Variants in MBNL1 observed in about 807,000 individuals in gnomAD.
MBNL1 encodes muscleblind like splicing regulator 1.
MBNL1 carries 8 observed loss-of-function variants against 42.2 expected under a neutral mutation model. That is an observed-to-expected ratio of 0.19 (90% confidence interval 0.11 to 0.34). MBNL1 has a LOEUF of 0.34. MBNL1 is among the 10% of genes least tolerant of loss of function. MBNL1 has a pLI of 1.00. For synonymous variants in MBNL1, 169 were observed against 173.9 expected (o/e 0.97, Z 0.22); for missense variants, 309 against 495.3 (o/e 0.62, Z 3.57).
chr3:152,436,484 T>A lies in MBNL1; in HGVS notation c.549+3564T>A, dbSNP rs529244653. Reference sequence around the variant, plus strand: ...GAGGAAACTTAAAAATTTTTAAATATCTGAAATTATTGGATCCTCAGCATG... The same window carrying A: ...GAGGAAACTTAAAAATTTTTAAATAACTGAAATTATTGGATCCTCAGCATG... On this transcript the variant is annotated intron_variant, in intron 4 of 9. Coordinates refer to ENST00000324210, the MANE Select transcript of MBNL1 (RefSeq NM_021038.5). Among the ~76,000 whole-genome samples the A allele has an allele frequency of 1.2e-4, 19 of 152,344 alleles. 1 individual carries two copies. Among genetic ancestry groups the A allele is most frequent in the South Asian group, 1.0e-3 (5 of 4,830 alleles).
chr3:152,439,986 A>G (rs1225312269), intron 4 of MBNL1, among the ~76,000 whole-genome samples: 1 of 152,248 alleles, frequency 6.6e-6, no homozygotes, highest in Non-Finnish European at 1.5e-5. Flanking sequence ...GAATGAATAA[A>G]TGACAACGTG....
chr3:152,323,415 C>T (rs969332582), intron 2 of MBNL1, among the ~76,000 whole-genome samples: 23 of 151,944 alleles, frequency 1.5e-4, no homozygotes, highest in African/African-American at 5.6e-4. Flanking sequence ...TATCTGTAGT[C>T]ACTAACTGTA....
chr3:152,396,846 A>G (rs1389451919), intron 2 of MBNL1, among the ~76,000 whole-genome samples: 7 of 152,184 alleles, frequency 4.6e-5, no homozygotes, highest in Admixed American at 4.6e-4. Flanking sequence ...CTCGAACAGT[A>G]TTTAGTATAA....
At chr3:152,250,726 T>G (rs887186661) in intron 2 of MBNL1, among the ~76,000 whole-genome samples, 21 of 151,330 alleles carry the variant, frequency 1.4e-4, no homozygotes, top group African/African-American at 5.1e-4. Context: ...TTCCAGTTTT[T>G]GCCCATTCAG....
At chr3:152,328,063 A>C (rs548272902) in intron 2 of MBNL1, among the ~76,000 whole-genome samples, 1 of 152,306 alleles carries the variant, frequency 6.6e-6, no homozygotes, top group African/African-American at 2.4e-5. Flanking sequence ...TTTTAATGTA[A>C]GCCAACATTT....
intron 2 of MBNL1, among the ~76,000 whole-genome samples, chr3:152,379,293 A>G (rs796880698): frequency 2.6e-5 from 4 of 152,314 alleles, no homozygotes; most frequent in Admixed American, 6.5e-5. Context: ...GAAAAATATT[A>G]TCAGAGTTTT....
At chr3:152,300,651 C>T (rs556600535) in intron 2 of MBNL1, among the ~76,000 whole-genome samples, 2 of 152,044 alleles carry the variant, frequency 1.3e-5, no homozygotes, top group African/African-American at 4.8e-5. Flanking sequence ...GTCTGTCTGT[C>T]CCTGGAAATG....
upstream of MBNL1, chr3:152,268,539 C>G (rs1197095265): frequency 1.1e-5 from 4 of 349,652 alleles, no homozygotes; most frequent in East Asian, 3.2e-4. Flanking sequence ...GCCTAGCAGT[C>G]GGTAGAAGAA....
At chr3:152,352,797 C>T (rs941856809) in intron 2 of MBNL1, among the ~76,000 whole-genome samples, 2 of 152,120 alleles carry the variant, frequency 1.3e-5, no homozygotes, top group Non-Finnish European at 2.9e-5. Context: ...CATCATTTGC[C>T]CTGCATGTAC....
chr3:152,301,921 A>G (rs1308614544), intron 2 of MBNL1: 2 of 152,338 alleles, frequency 1.3e-5, no homozygotes, highest in Non-Finnish European at 2.9e-5. Context: ...TCCTACAGAC[A>G]GTTGATGGTG....
intron 5 of MBNL1, chr3:152,446,802 T>G: frequency 6.6e-7 from 1 of 1,519,260 alleles, no homozygotes; most frequent in Non-Finnish European, 9.0e-7. Context: ...AGCTTTATTG[T>G]AGATACAAGT....
At chr3:152,286,991 G>A (rs1439632854) in intron 1 of MBNL1, among the ~76,000 whole-genome samples, 7 of 151,986 alleles carry the variant, frequency 4.6e-5, no homozygotes, top group African/African-American at 1.2e-4. Flanking sequence ...AGGCCGAGGC[G>A]GGTGGCTCAC....
intron 4 of MBNL1, among the ~76,000 whole-genome samples, chr3:152,435,345 G>T (rs2153788501): frequency 6.6e-6 from 1 of 152,222 alleles, no homozygotes; most frequent in Non-Finnish European, 1.5e-5. Context: ...AGATCAAATG[G>T]TTGTAAGTGT....
chr3:152,433,317 C>T lies in MBNL1; in HGVS notation c.549+397C>T, dbSNP rs910494786. On this transcript the variant is annotated intron_variant, in intron 4 of 9. Transcript: ENST00000324210. ...TCAAGAATAACAAATATTATCAATCCCCTAAAAATTGTTCTCATAAAGATT... is the reference window on the plus strand; with the variant it reads ...TCAAGAATAACAAATATTATCAATCTCCTAAAAATTGTTCTCATAAAGATT... 5.9e-5 allele frequency among the ~76,000 whole-genome samples: 9 copies of T among 152,110 alleles called. No homozygotes were observed. In the Middle Eastern group the frequency reaches 0.014, roughly 230 times the overall value.
At chr3:152,337,610 AG>A (rs1211524604) in intron 2 of MBNL1, among the ~76,000 whole-genome samples, 3 of 150,224 alleles carry the variant, frequency 2.0e-5, no homozygotes, top group African/African-American at 7.3e-5. Flanking sequence ...TGGGCAACAG[AG>A]TGAGATTCCA....
intron 2 of MBNL1, among the ~76,000 whole-genome samples, chr3:152,343,910 T>C (rs2093779078): frequency 6.6e-6 from 1 of 152,162 alleles, no homozygotes; most frequent in African/African-American, 2.4e-5. Context: ...AAAAATGTAT[T>C]TATAAATGTG....
In MBNL1 at chr3:152,300,179, C is replaced by G. The variant is rs1219172865; in HGVS notation, c.-15C>G. On this transcript the variant is annotated 5_prime_UTR_variant, in exon 2 of 10. Coordinates refer to ENST00000324210, the MANE Select transcript of MBNL1 (RefSeq NM_021038.5). Reference sequence around the variant, plus strand: ...TGGTTTCACTGAAACATTTAACTACCTGTAAAATCTAAACATGGCTGTTAG... The same window carrying G: ...TGGTTTCACTGAAACATTTAACTACGTGTAAAATCTAAACATGGCTGTTAG... 6.5e-7 allele frequency: 1 copy of G among 1,544,066 alleles called. No homozygotes were observed. The highest frequency in any genetic ancestry group is 1.4e-5 in the African/African-American group (1 of 72,576).
upstream of MBNL1, chr3:152,263,854 T>C (rs2036728093): frequency 1.3e-5 from 2 of 152,278 alleles, no homozygotes; most frequent in Non-Finnish European, 2.9e-5. Flanking sequence ...GATTCATTTT[T>C]TCCCTCTTCC....
Position 152,411,971 on chromosome 3 carries a change from G to A in MBNL1, c.175-2970G>A, listed in dbSNP as rs188773346. On this transcript the variant is annotated intron_variant, in intron 2 of 9. Coordinates refer to ENST00000324210, the MANE Select transcript of MBNL1 (RefSeq NM_021038.5). ...AGAGTTAGAGTAGAATTCATCTTGA[G>A]GCATTTAGTAAGAAATGAACATTCA... Among the ~76,000 whole-genome samples the A allele has an allele frequency of 2.6e-3, 400 of 152,172 alleles. 9 individuals are homozygous for A. Among genetic ancestry groups the A allele is most frequent in the Admixed American group, 0.022 (336 of 15,292 alleles).
Sources: gnomAD v4.1 joint callset for allele counts (sites outside exome capture counted in the v4.1 genomes callset) on GRCh38, gnomAD v4.1.1 for gene constraint, MANE v1.5 for transcripts, NCBI Gene and HGNC (gene_info 2026-07-23, HGNC 2026-07-21) for gene names.